KIAA0825: variants seen among roughly 807,000 people sequenced by gnomAD.
The protein encoded by KIAA0825 is uncharacterized protein KIAA0825.
KIAA0825 carries 119 observed loss-of-function variants against 147.6 expected under a neutral mutation model. That is an observed-to-expected ratio of 0.81 (90% CI 0.69 to 0.94). The LOEUF (loss-of-function observed/expected upper bound fraction) is 0.94, where lower values mean the gene tolerates loss of function less well. Among genes scored for constraint, KIAA0825 ranks in the 40% least tolerant of loss-of-function variants. The pLI is 0.00. For synonymous variants in KIAA0825, 470 were observed against 518.1 expected, an observed-to-expected ratio of 0.91 and a Z score of 1.26; for missense variants, 1,381 against 1,472.7, an observed-to-expected ratio of 0.94 and a Z score of 1.02.
At chr5:94,415,269 T>C (rs1753295131) in intron 15 of KIAA0825, 1 of 152,304 alleles carries the variant, frequency 6.6e-6, no homozygotes, top group East Asian at 1.9e-4. Context: ...AGTTTTAAAA[T>C]AATGTACTTT....
chr5:94,522,700 T>C (rs1357445757), intron 4 of KIAA0825, among the ~76,000 whole-genome samples: 1 of 151,638 alleles, frequency 6.6e-6, no homozygotes, highest in South Asian at 2.1e-4. Flanking sequence ...GGATCTGTTT[T>C]AATAATGTGG....
chr5:94,471,715 A>C lies in KIAA0825; in HGVS notation c.1472T>G (p.Met491Arg). ...TGGAAGCATTGTGTCAAGTTTTTCCATGATGTCAGAACAAAACTAGGGAGA... is the reference window on the plus strand; with the variant it reads ...TGGAAGCATTGTGTCAAGTTTTTCCCTGATGTCAGAACAAAACTAGGGAGA... ...KKIGKFCSDI[M>R]EKLDTMLPLA... The change falls in exon 9 of 21, where the codon ATG (methionine) becomes AGG (arginine). Residue 491 changes from methionine (M) to arginine (R), a missense_variant. By Grantham distance (91) the Met-to-Arg change is moderately conservative. Transcript: ENST00000682413. The C allele has an allele frequency of 6.4e-7, 1 of 1,552,344 alleles. No individual in the cohort carries two copies. The highest frequency in any genetic ancestry group is 8.7e-7 in the Non-Finnish European group (1 of 1,147,134).
chr5:94,602,115 C>T (rs1010620217), intron 1 of KIAA0825, among the ~76,000 whole-genome samples: 8 of 152,058 alleles, frequency 5.3e-5, no homozygotes, highest in East Asian at 3.9e-4. Flanking sequence ...TTTGGGAGGC[C>T]AAGGCAGGCG....
intron 20 of KIAA0825, among the ~76,000 whole-genome samples, chr5:94,230,604 A>C (rs1323494642): frequency 6.6e-6 from 1 of 152,178 alleles, no homozygotes; most frequent in Non-Finnish European, 1.5e-5. Context: ...ACTTTCAAAA[A>C]ATACCATTTC....
intron 1 of KIAA0825, among the ~76,000 whole-genome samples, chr5:94,601,219 G>T (rs1264481744): frequency 6.6e-6 from 1 of 152,156 alleles, no homozygotes; most frequent in Non-Finnish European, 1.5e-5. Flanking sequence ...AGAGGTAGCG[G>T]TAGGCTGCCA....
intron 1 of KIAA0825, among the ~76,000 whole-genome samples, chr5:94,596,376 A>G (rs999723058): frequency 1.3e-5 from 2 of 152,198 alleles, no homozygotes; most frequent in Non-Finnish European, 2.9e-5. Context: ...ACTTTGACAA[A>G]GATCAGATGG....
chr5:94,325,967 GTAA>G (rs1052905602), intron 20 of KIAA0825, among the ~76,000 whole-genome samples: 2 of 151,468 alleles, frequency 1.3e-5, no homozygotes, highest in African/African-American at 4.9e-5. Context: ...CATAACAAAG[GTAA>G]TAATACTACC....
chr5:94,492,508 TA>T (rs1188922843), intron 5 of KIAA0825, among the ~76,000 whole-genome samples: 1 of 152,226 alleles, frequency 6.6e-6, no homozygotes, highest in Non-Finnish European at 1.5e-5. Context: ...TTACAATGGT[TA>T]GTTTGAAAGT....
chr5:94,437,697 G>C (rs1756550487), intron 14 of KIAA0825, among the ~76,000 whole-genome samples: 1 of 152,070 alleles, frequency 6.6e-6, no homozygotes, highest in Non-Finnish European at 1.5e-5. Context: ...ATAGTCAAAA[G>C]GTTTATCTCA....
chr5:94,554,715 ACTATATATATATAT>A (rs1314262489), intron 2 of KIAA0825, among the ~76,000 whole-genome samples: 5 of 75,352 alleles, frequency 6.6e-5, no homozygotes, highest in African/African-American at 1.0e-4. Context: ...TGTTCTGTGT[ACTATATATATATAT>A]ATATATATAT....
chr5:94,606,809 C>G (rs1787575124), intron 1 of KIAA0825, among the ~76,000 whole-genome samples: 3 of 152,090 alleles, frequency 2.0e-5, no homozygotes, highest in Admixed American at 2.0e-4. Context: ...GCTGTACAAG[C>G]ACAGTGCCAG....
chr5:94,274,102 T>C (rs374719649), intron 20 of KIAA0825, among the ~76,000 whole-genome samples: 33 of 152,248 alleles, frequency 2.2e-4, no homozygotes, highest in Middle Eastern at 3.4e-3. Context: ...CTTTGGAATT[T>C]ATGAGGACTC....
chr5:94,281,198 AACACACACACACACACACACAC>A (rs34358354), intron 20 of KIAA0825, among the ~76,000 whole-genome samples: 128 of 145,120 alleles, frequency 8.8e-4, no homozygotes, highest in South Asian at 1.6e-3. Context: ...TAAGTGATTT[AACACACACACACACACACACAC>A]ACACACACAC....
intron 20 of KIAA0825, among the ~76,000 whole-genome samples, chr5:94,198,644 T>C (rs1202128167): frequency 1.3e-5 from 2 of 152,082 alleles, no homozygotes; most frequent in Non-Finnish European, 2.9e-5. Context: ...AAATACCTAA[T>C]GCATGCAGGG....
intron 5 of KIAA0825, among the ~76,000 whole-genome samples, chr5:94,492,389 CCT>C (rs1387813860): frequency 1.3e-5 from 2 of 152,206 alleles, no homozygotes; most frequent in Non-Finnish European, 2.9e-5. Flanking sequence ...AGTCTCATCT[CCT>C]CTGAGAAACC....
At chr5:94,392,577 C>G (rs565372677) in intron 17 of KIAA0825, among the ~76,000 whole-genome samples, 70 of 152,294 alleles carry the variant, frequency 4.6e-4, no homozygotes, top group African/African-American at 1.6e-3. Context: ...TCATGCTACA[C>G]TTTGCAATGT....
At chr5:94,156,458 T>A (rs1174574371) in intron 20 of KIAA0825, among the ~76,000 whole-genome samples, 2 of 152,212 alleles carry the variant, frequency 1.3e-5, no homozygotes, top group Non-Finnish European at 2.9e-5. Context: ...TCTGAGTAAA[T>A]GAATTATTTT....
chr5:94,220,375 T>A (rs1773574824), intron 20 of KIAA0825, among the ~76,000 whole-genome samples: 1 of 152,134 alleles, frequency 6.6e-6, no homozygotes, highest in African/African-American at 2.4e-5. Flanking sequence ...TTTTTTTTAA[T>A]AAGTAGGAGT....
intron 18 of KIAA0825, among the ~76,000 whole-genome samples, chr5:94,391,261 A>G (rs1749853920): frequency 6.6e-6 from 1 of 152,192 alleles, no homozygotes; most frequent in Non-Finnish European, 1.5e-5. Context: ...TTCCCAAACT[A>G]CACCTCTAGT....
Sources: allele counts gnomAD v4.1 joint callset (sites outside exome capture counted in the v4.1 genomes callset), GRCh38; gene constraint gnomAD v4.1.1; transcripts MANE v1.5; gene names NCBI Gene and HGNC (gene_info 2026-07-23, HGNC 2026-07-21).